PRKD1: variants seen among roughly 807,000 people sequenced by gnomAD.
The protein encoded by PRKD1 is serine/threonine-protein kinase D1.
In PRKD1, 63 loss-of-function variants were observed where a neutral mutation model predicts 95.9. That is an observed-to-expected ratio of 0.66 (90% CI 0.54 to 0.81). The LOEUF is 0.81. Ranked by LOEUF, PRKD1 falls within the 30% of genes least tolerant of loss-of-function variation. PRKD1 has a pLI of 0.00. For synonymous variants in PRKD1, 425 were observed against 423.1 expected, an observed-to-expected ratio of 1.00 and a Z score of -0.05; for missense variants, 1,048 against 1,165.3, an observed-to-expected ratio of 0.90 and a Z score of 1.47.
chr14:29,813,785 C>T (rs1305787062), intron 1 of PRKD1, among the ~76,000 whole-genome samples: 1 of 152,224 alleles, frequency 6.6e-6, no homozygotes, highest in African/African-American at 2.4e-5. Flanking sequence ...CATCCAATTA[C>T]TATATCTACC....
intron 1 of PRKD1, among the ~76,000 whole-genome samples, chr14:29,765,152 T>G (rs1471534825): frequency 6.6e-6 from 1 of 151,824 alleles, no homozygotes; most frequent in African/African-American, 2.4e-5. Context: ...CAACTAAATC[T>G]GAACACATAT....
At chr14:29,791,556 A>G (rs1022424305) in intron 1 of PRKD1, among the ~76,000 whole-genome samples, 1 of 152,080 alleles carries the variant, frequency 6.6e-6, no homozygotes, top group Non-Finnish European at 1.5e-5. Flanking sequence ...ACTTTCTAGA[A>G]TTTTCTAAAA....
intron 2 of PRKD1, among the ~76,000 whole-genome samples, chr14:29,722,917 A>G (rs1221527095): frequency 6.6e-6 from 1 of 152,134 alleles, no homozygotes; most frequent in Non-Finnish European, 1.5e-5. Flanking sequence ...AATGGTAGGG[A>G]GTTAGTGATT....
intron 2 of PRKD1, among the ~76,000 whole-genome samples, chr14:29,688,492 C>T (rs570337022): frequency 1.3e-5 from 2 of 152,164 alleles, no homozygotes; most frequent in East Asian, 3.9e-4. Context: ...ATCCTTTACC[C>T]ATGACATAGT....
chr14:29,602,910 T>C (rs933432863), intron 13 of PRKD1, among the ~76,000 whole-genome samples: 1 of 152,202 alleles, frequency 6.6e-6, no homozygotes, highest in Admixed American at 6.5e-5. Context: ...ATGACAGTGT[T>C]CATTGTCAAC....
At chr14:29,664,011 A>AT (rs545405230) in intron 3 of PRKD1, 152 bp from the exon 4 acceptor site, 14 of 863,064 alleles carry the variant, frequency 1.6e-5, no homozygotes, top group South Asian at 3.7e-5. Context: ...CATTCTCTGA[A>AT]TTTTTTTTCC....
Position 29,585,016 on chromosome 14 carries a change from G to A in PRKD1, c.2435-6656C>T, listed in dbSNP as rs537168814. Among the ~76,000 whole-genome samples, 6 of 151,652 alleles carry A rather than the reference G, an allele frequency of 4.0e-5. No individual in the cohort carries two copies. In the East Asian group the frequency reaches 7.7e-4, roughly 20 times the overall value. On this transcript the variant is annotated intron_variant, in intron 16 of 17. Coordinates refer to ENST00000331968, the MANE Select transcript of PRKD1 (RefSeq NM_002742.3). ...CAATCATTCTGGTGATAGAGCCTTCGCCAATCAACCTTCAAGCTCCTTGCC... is the reference window on the plus strand; with the variant it reads ...CAATCATTCTGGTGATAGAGCCTTCACCAATCAACCTTCAAGCTCCTTGCC...
chr14:29,607,566 C>T (rs1056450223), intron 13 of PRKD1, among the ~76,000 whole-genome samples: 1 of 152,212 alleles, frequency 6.6e-6, no homozygotes, highest in Non-Finnish European at 1.5e-5. Context: ...AAGCGTCTCT[C>T]TCAGCTCCTT....
At chr14:29,715,111 A>T (rs1216404268) in intron 2 of PRKD1, among the ~76,000 whole-genome samples, 1 of 152,118 alleles carries the variant, frequency 6.6e-6, no homozygotes, top group Non-Finnish European at 1.5e-5. Context: ...AGTATAATTT[A>T]AAAAGTAAAT....
At chr14:29,731,824 A>G (rs1886450834) in intron 1 of PRKD1, among the ~76,000 whole-genome samples, 1 of 151,100 alleles carries the variant, frequency 6.6e-6, no homozygotes, top group South Asian at 2.1e-4. Context: ...GTACACACGT[A>G]TATATGACTC....
Position 29,927,483 on chromosome 14 carries a change from G to A in PRKD1, c.30C>T (p.Pro10=), listed in dbSNP as rs1830705714. ...CCGCCGCCACGGGCAGCAGCGGACT[G>A]GGCGGCCGCAGGACCGGAGGGGCGC... is the stretch of plus-strand genomic sequence containing the variant. The part of the protein sequence containing the change: MSAPPVLRP[P]SPLLPVAAAA... The change falls in exon 1 of 18, where the codon CCC becomes CCT. Residue 10 remains proline, a synonymous_variant. Coordinates refer to ENST00000331968, the MANE Select transcript of PRKD1 (RefSeq NM_002742.3). 5 of 1,245,796 alleles carry A rather than the reference G, an allele frequency of 4.0e-6. No homozygotes were observed. The highest frequency in any genetic ancestry group is 5.0e-6 in the Non-Finnish European group (5 of 999,408). 77.2% of individuals were successfully genotyped at this position (1,245,796 alleles called of 1,614,324 possible).
chr14:29,764,275 TG>T (rs1888162109), intron 1 of PRKD1, among the ~76,000 whole-genome samples: 1 of 151,364 alleles, frequency 6.6e-6, no homozygotes, highest in African/African-American at 2.4e-5. Context: ...CTTTCTCCAC[TG>T]GAAAAAAAAA....
At chr14:29,646,331 G>C (rs1417934820) in intron 4 of PRKD1, among the ~76,000 whole-genome samples, 1 of 152,026 alleles carries the variant, frequency 6.6e-6, no homozygotes, top group Non-Finnish European at 1.5e-5. Context: ...TCACAACAGG[G>C]TGACTACAGT....
At chr14:29,750,616 G>GCGCGCGCGCGCACA (rs72239992) in intron 1 of PRKD1, among the ~76,000 whole-genome samples, 5 of 148,482 alleles carry the variant, frequency 3.4e-5, no homozygotes, top group South Asian at 4.3e-4. Context: ...ATGAACGCGC[G>GCGCGCGCGCGCACA]CACACACACA....
chr14:29,852,537 A>G (rs1892348098), intron 1 of PRKD1, among the ~76,000 whole-genome samples: 2 of 150,186 alleles, frequency 1.3e-5, no homozygotes, highest in Non-Finnish European at 3.0e-5. Context: ...CAGAAGGAGG[A>G]GAGAGAGAGA....
intron 1 of PRKD1, among the ~76,000 whole-genome samples, chr14:29,738,434 G>A (rs1052811365): frequency 6.6e-6 from 1 of 152,168 alleles, no homozygotes; most frequent in Non-Finnish European, 1.5e-5. Context: ...CACCATCGAA[G>A]ATAGGGCTTT....
intron 2 of PRKD1, among the ~76,000 whole-genome samples, chr14:29,668,584 A>T (rs1484844927): frequency 6.6e-6 from 1 of 152,240 alleles, no homozygotes; most frequent in Non-Finnish European, 1.5e-5. Flanking sequence ...ACCCTAAGAT[A>T]ATCAGTTCTT....
At chr14:29,849,140 G>T (rs760037307) in intron 1 of PRKD1, among the ~76,000 whole-genome samples, 2 of 152,154 alleles carry the variant, frequency 1.3e-5, no homozygotes, top group African/African-American at 4.8e-5. Flanking sequence ...TTGGATCATG[G>T]GGGCAGACTT....
chr14:29,682,070 C>G (rs975058811), intron 2 of PRKD1, among the ~76,000 whole-genome samples: 3 of 152,124 alleles, frequency 2.0e-5, no homozygotes, highest in African/African-American at 7.2e-5. Flanking sequence ...AGAAAAATGG[C>G]CATGGATGAT....
Sources: gnomAD v4.1 joint callset for allele counts (sites outside exome capture counted in the v4.1 genomes callset) on GRCh38, gnomAD v4.1.1 for gene constraint, MANE v1.5 for transcripts, NCBI Gene and HGNC (gene_info 2026-07-23, HGNC 2026-07-21) for gene names.